The following RBPMS variants were observed in gnomAD, a reference collection of about 807,000 sequenced individuals.
RBPMS encodes the protein RNA binding protein, mRNA processing factor.
In RBPMS, 7 loss-of-function variants were observed where a neutral mutation model predicts 26.8. That is an observed-to-expected ratio of 0.26 (90% CI 0.15 to 0.49). The LOEUF is 0.49. RBPMS is among the 20% of genes least tolerant of loss of function. RBPMS has a pLI of 0.98. For missense variants in RBPMS, 186 were observed against 250.0 expected, an observed-to-expected ratio of 0.74 and a Z score of 1.73; for synonymous variants, 96 against 93.3, an observed-to-expected ratio of 1.03 and a Z score of -0.17.
intron 6 of RBPMS, chr8:30,547,672 C>T: frequency 2.3e-6 from 1 of 435,428 alleles, no homozygotes; most frequent in Non-Finnish European, 3.9e-6. Flanking sequence ...GAGGCCAGGT[C>T]CTGGAGCCGA....
intron 6 of RBPMS, among the ~76,000 whole-genome samples, chr8:30,547,742 T>C (rs949505604): frequency 1.3e-5 from 2 of 152,200 alleles, no homozygotes; most frequent in Non-Finnish European, 2.9e-5. Context: ...AAGAGCTGCA[T>C]GTTGGAAGCG....
At position 30,563,002 on chromosome 8, in the gene RBPMS, G is replaced by A. The variant is rs143160122; in HGVS notation, c.*8-3255G>A. ...TCCAAGATACAAAAATGAAAAAACA[G>A]GCCTGTGCCCCTCAGGAGCTTAAGT... On this transcript the variant is annotated intron_variant, in intron 7 of 8. Coordinates refer to ENST00000397323, the MANE Select transcript of RBPMS (RefSeq NM_001008710.3). 5.2e-3 allele frequency among the ~76,000 whole-genome samples: 794 copies of A among 152,290 alleles called. 11 individuals carry two copies. Among genetic ancestry groups the A allele is most frequent in the African/African-American group, 0.018 (753 of 41,548 alleles).
chr8:30,475,510 C>T (rs759865072), intron 2 of RBPMS, among the ~76,000 whole-genome samples: 1 of 152,162 alleles, frequency 6.6e-6, no homozygotes, highest in Non-Finnish European at 1.5e-5. Flanking sequence ...TCTGGAAGGG[C>T]CTGTGCTCAG....
intron 8 of RBPMS, among the ~76,000 whole-genome samples, chr8:30,568,419 C>T (rs777802872): frequency 2.0e-5 from 3 of 152,176 alleles, no homozygotes; most frequent in Non-Finnish European, 4.4e-5. Flanking sequence ...GGGCAGGCAG[C>T]GGGCATCCTG....
At chr8:30,410,752 T>A (rs1397635005) in intron 1 of RBPMS, among the ~76,000 whole-genome samples, 2 of 151,290 alleles carry the variant, frequency 1.3e-5, no homozygotes, top group African/African-American at 2.4e-5. Flanking sequence ...TGTTTTTTTT[T>A]AGAGACAAGA....
At chr8:30,548,478 T>A (rs781487485) in intron 6 of RBPMS, among the ~76,000 whole-genome samples, 1 of 152,238 alleles carries the variant, frequency 6.6e-6, no homozygotes, top group Non-Finnish European at 1.5e-5. Flanking sequence ...TTCAGAGGCC[T>A]CATTTGTCCA....
intron 1 of RBPMS, among the ~76,000 whole-genome samples, chr8:30,437,697 A>G (rs1427782278): frequency 1.3e-5 from 2 of 152,080 alleles, no homozygotes; most frequent in African/African-American, 2.4e-5. Flanking sequence ...AGGCTGAAGC[A>G]GGAGAATCAC....
At chr8:30,483,044 A>G (rs1221375132) in intron 4 of RBPMS, among the ~76,000 whole-genome samples, 1 of 152,244 alleles carries the variant, frequency 6.6e-6, no homozygotes, top group Non-Finnish European at 1.5e-5. Flanking sequence ...TAAACCATCT[A>G]GCTATTTCCA....
chr8:30,555,995 G>T, intron 6 of RBPMS: 2 of 985,384 alleles, frequency 2.0e-6, no homozygotes, highest in Non-Finnish European at 2.4e-6. Flanking sequence ...TGGATGAGCC[G>T]CTCAGACTTG....
intron 1 of RBPMS, among the ~76,000 whole-genome samples, chr8:30,429,549 A>G (rs544461516): frequency 7.9e-5 from 12 of 152,352 alleles, no homozygotes; most frequent in African/African-American, 2.9e-4. Context: ...GTAGTGAAAT[A>G]TAAAAACAGT....
chr8:30,490,837 G>A (rs186222689), intron 4 of RBPMS, among the ~76,000 whole-genome samples: 3 of 152,328 alleles, frequency 2.0e-5, no homozygotes, highest in Admixed American at 1.3e-4. Flanking sequence ...TAGAGGAAGA[G>A]CACTGATTTC....
At chr8:30,523,411 T>A (rs1441580287) in intron 5 of RBPMS, among the ~76,000 whole-genome samples, 1 of 151,680 alleles carries the variant, frequency 6.6e-6, no homozygotes, top group Non-Finnish European at 1.5e-5. Context: ...ATGATGAATT[T>A]CCTGTTTTGT....
intron 6 of RBPMS, among the ~76,000 whole-genome samples, chr8:30,551,377 G>C (rs1826362079): frequency 6.6e-6 from 1 of 152,198 alleles, no homozygotes; most frequent in Non-Finnish European, 1.5e-5. Flanking sequence ...GTATGGCTGT[G>C]TGGCTTTGGC....
intron 1 of RBPMS, among the ~76,000 whole-genome samples, chr8:30,471,130 A>G (rs574150250): frequency 1.3e-5 from 2 of 152,334 alleles, no homozygotes; most frequent in African/African-American, 4.8e-5. Context: ...ATCAGTTACT[A>G]TACCATTGAG....
intron 5 of RBPMS, among the ~76,000 whole-genome samples, chr8:30,527,415 G>T (rs1007710996): frequency 6.6e-6 from 1 of 152,134 alleles, no homozygotes; most frequent in Admixed American, 6.5e-5. Flanking sequence ...CCAGGTCTCT[G>T]AATTAAATTT....
At chr8:30,567,684 G>A (rs1021439885) in intron 8 of RBPMS, among the ~76,000 whole-genome samples, 3 of 152,204 alleles carry the variant, frequency 2.0e-5, no homozygotes, top group African/African-American at 7.2e-5. Context: ...AATGCAAGGA[G>A]CAGGAGTTTT....
intron 6 of RBPMS, chr8:30,552,274 G>A (rs998133124): frequency 1.3e-5 from 2 of 152,096 alleles, no homozygotes; most frequent in African/African-American, 4.8e-5. Context: ...AACTCTAACT[G>A]CTTTGGAAAC....
At chr8:30,462,726 C>G (rs897796384) in intron 1 of RBPMS, among the ~76,000 whole-genome samples, 3 of 151,976 alleles carry the variant, frequency 2.0e-5, no homozygotes, top group Admixed American at 6.6e-5. Flanking sequence ...TGTGCCTGGC[C>G]TGATTTTTTG....
intron 1 of RBPMS, among the ~76,000 whole-genome samples, chr8:30,414,350 CAG>C (rs1194027195): frequency 3.3e-5 from 5 of 152,288 alleles, no homozygotes; most frequent in Admixed American, 1.3e-4. Context: ...GGAAATGGTG[CAG>C]AGTTGAGGAA....
Sources: gnomAD v4.1 joint callset for allele counts (sites outside exome capture counted in the v4.1 genomes callset) on GRCh38, gnomAD v4.1.1 for gene constraint, MANE v1.5 for transcripts, NCBI Gene and HGNC (gene_info 2026-07-23, HGNC 2026-07-21) for gene names.